Variants in TUSC3 observed in about 807,000 individuals in gnomAD.
The protein encoded by TUSC3 is tumor suppressor candidate 3.
Under a neutral mutation model 44.8 loss-of-function variants are expected in TUSC3, and 45 were observed. The observed-to-expected ratio is 1.00, with a 90% CI of 0.79 to 1.29. The LOEUF (loss-of-function observed/expected upper bound fraction) is 1.29, where lower values mean the gene tolerates loss of function less well. Ranked by LOEUF, TUSC3 falls within the 50% of genes most tolerant of loss-of-function variation. The pLI, the probability that TUSC3 is intolerant of heterozygous loss-of-function variation, is 0.00. For missense variants in TUSC3, 519 were observed against 437.9 expected (o/e 1.19, Z -1.65); for synonymous variants, 212 against 152.9 (o/e 1.39, Z -2.85).
chr8:15,468,979 A>G (rs1255831422), intron 1 of TUSC3, among the ~76,000 whole-genome samples: 1 of 146,644 alleles, frequency 6.8e-6, no homozygotes, highest in African/African-American at 2.5e-5. Flanking sequence ...AGAAGATTTG[A>G]CCCTGAAGAG....
intron 1 of TUSC3, among the ~76,000 whole-genome samples, chr8:15,617,183 A>G (rs1421388360): frequency 7.8e-6 from 1 of 127,760 alleles, no homozygotes; most frequent in Admixed American, 8.4e-5. Flanking sequence ...TCTGTCGCCC[A>G]GGTTGCAGTG....
At chr8:15,467,755 G>C (rs953871940) in intron 1 of TUSC3, among the ~76,000 whole-genome samples, 8 of 152,116 alleles carry the variant, frequency 5.3e-5, no homozygotes, top group African/African-American at 1.9e-4. Flanking sequence ...CAGTCATCTT[G>C]AATTACGTTT....
At chr8:15,583,174 T>C (rs905910367) in intron 1 of TUSC3, among the ~76,000 whole-genome samples, 5 of 152,230 alleles carry the variant, frequency 3.3e-5, no homozygotes. Flanking sequence ...GGTGAGATTT[T>C]ATGTCGTCAA....
intron 6 of TUSC3, among the ~76,000 whole-genome samples, chr8:15,697,422 A>G (rs573590182): frequency 7.9e-5 from 12 of 152,170 alleles, no homozygotes; most frequent in African/African-American, 1.9e-4. Context: ...ATTTAGGGCT[A>G]TGAACTTTCC....
At chr8:15,702,260 G>A (rs1809439524) in intron 6 of TUSC3, among the ~76,000 whole-genome samples, 1 of 152,148 alleles carries the variant, frequency 6.6e-6, no homozygotes, top group Admixed American at 6.6e-5. Context: ...TTCTGTTTGA[G>A]TAAGAAACCC....
At chr8:15,780,412 C>A in the TUSC3 span, among the ~76,000 whole-genome samples, 1 of 152,128 alleles carries the variant, frequency 6.6e-6, no homozygotes. Context: ...CAACTTGGAA[C>A]AAAGGGGACT....
At chr8:15,716,687 C>T (rs1810074055) in intron 6 of TUSC3, among the ~76,000 whole-genome samples, 1 of 151,970 alleles carries the variant, frequency 6.6e-6, no homozygotes, top group African/African-American at 2.4e-5. Flanking sequence ...TGTTAAGAAA[C>T]TTCATTTACA....
intron 8 of TUSC3, among the ~76,000 whole-genome samples, chr8:15,748,024 G>A (rs1024344898): frequency 6.6e-6 from 1 of 152,062 alleles, no homozygotes; most frequent in Non-Finnish European, 1.5e-5. Flanking sequence ...AATCTTGTTT[G>A]TGGTTTATAA....
At chr8:15,478,406 A>G (rs567167331) in intron 1 of TUSC3, among the ~76,000 whole-genome samples, 7 of 152,024 alleles carry the variant, frequency 4.6e-5, no homozygotes, top group Admixed American at 6.6e-5. Flanking sequence ...TGCATTAGCT[A>G]TTTATCCTGG....
intron 2 of TUSC3, among the ~76,000 whole-genome samples, chr8:15,644,101 T>C (rs1431934578): frequency 6.6e-6 from 1 of 152,238 alleles, no homozygotes; most frequent in Non-Finnish European, 1.5e-5. Context: ...CTGTAGATGA[T>C]ATAATTCTTT....
chr8:15,751,001 G>A (rs1014277888), intron 9 of TUSC3, among the ~76,000 whole-genome samples: 1 of 152,202 alleles, frequency 6.6e-6, no homozygotes, highest in Non-Finnish European at 1.5e-5. Context: ...GACACCAGGT[G>A]TGCTAAACAG....
intron 1 of TUSC3, among the ~76,000 whole-genome samples, chr8:15,581,630 G>A (rs1478298656): frequency 4.2e-4 from 63 of 149,872 alleles, no homozygotes; most frequent in South Asian, 2.1e-4. Context: ...TAGGCTGCTT[G>A]GGGGTCAGGG....
chr8:15,467,623 T>G (rs1800430737), intron 1 of TUSC3, among the ~76,000 whole-genome samples: 1 of 152,176 alleles, frequency 6.6e-6, no homozygotes, highest in East Asian at 1.9e-4. Context: ...AACACTGATT[T>G]GGTTTCTATT....
intron 1 of TUSC3, among the ~76,000 whole-genome samples, chr8:15,460,489 G>T (rs1014202438): frequency 2.0e-5 from 3 of 152,152 alleles, no homozygotes; most frequent in African/African-American, 7.2e-5. Flanking sequence ...TGGGTTGTCT[G>T]TCTACTCTGC....
At chr8:15,613,421 G>A (rs572304422) in intron 1 of TUSC3, among the ~76,000 whole-genome samples, 4 of 152,254 alleles carry the variant, frequency 2.6e-5, no homozygotes, top group African/African-American at 9.6e-5. Flanking sequence ...GAGTGTCTTA[G>A]CATTTGTAAG....
chr8:15,472,363 C>A (rs372801216), intron 1 of TUSC3, among the ~76,000 whole-genome samples: 1 of 152,146 alleles, frequency 6.6e-6, no homozygotes, highest in African/African-American at 2.4e-5. Flanking sequence ...TGAAACTTTT[C>A]TATCTAGAAA....
intron 6 of TUSC3, among the ~76,000 whole-genome samples, chr8:15,723,164 T>G (rs965358013): frequency 2.6e-5 from 4 of 152,134 alleles, no homozygotes; most frequent in African/African-American, 9.7e-5. Context: ...AATAGGAAAA[T>G]AAAATTCTAA....
intron 1 of TUSC3, among the ~76,000 whole-genome samples, chr8:15,611,133 T>G (rs1049533477): frequency 1.3e-5 from 2 of 152,200 alleles, no homozygotes. Context: ...AGTATTTCTT[T>G]CTTTAATTTT....
chr8:15,850,298 A>C, the TUSC3 span, among the ~76,000 whole-genome samples: 190 of 152,262 alleles, frequency 1.2e-3, no homozygotes, highest in African/African-American at 3.3e-3. Context: ...TTGTGGCAGC[A>C]TCTTTAACCT....
Sources: gnomAD v4.1 joint callset for allele counts (sites outside exome capture counted in the v4.1 genomes callset) on GRCh38, gnomAD v4.1.1 for gene constraint, MANE v1.5 for transcripts, NCBI Gene and HGNC (gene_info 2026-07-23, HGNC 2026-07-21) for gene names.